Variants in SCAPER observed in about 807,000 individuals in gnomAD.
SCAPER encodes S-phase cyclin A associated protein in the ER, also known as S phase cyclin A-associated protein in the endoplasmic reticulum.
Under a neutral mutation model 182.2 loss-of-function variants are expected in SCAPER, and 98 were observed. The observed-to-expected ratio is 0.54, with a 90% CI of 0.46 to 0.64. SCAPER has a LOEUF of 0.64. Among genes scored for constraint, SCAPER ranks in the 30% least tolerant of loss-of-function variants. The pLI, the probability that SCAPER is intolerant of heterozygous loss-of-function variation, is 0.00. For synonymous variants in SCAPER, 605 were observed against 564.6 expected, an observed-to-expected ratio of 1.07 and a Z score of -1.01; for missense variants, 1,432 against 1,690.0, an observed-to-expected ratio of 0.85 and a Z score of 2.68.
intron 21 of SCAPER, among the ~76,000 whole-genome samples, chr15:76,646,562 T>C (rs1170796287): frequency 6.6e-6 from 1 of 152,232 alleles, no homozygotes; most frequent in Non-Finnish European, 1.5e-5. Context: ...TTCATCCTTC[T>C]GTACAAAAAC....
chr15:76,352,174 C>T (rs2040600518), intron 30 of SCAPER, among the ~76,000 whole-genome samples: 1 of 152,204 alleles, frequency 6.6e-6, no homozygotes. Flanking sequence ...AAAACCTGCA[C>T]ATCATCTCCC....
At chr15:76,471,066 A>T in intron 25 of SCAPER, 146 bp downstream of exon 25, 1 of 758,304 alleles carries the variant, frequency 1.3e-6, no homozygotes, top group Non-Finnish European at 1.9e-6. Flanking sequence ...CTCTATTCTC[A>T]CAGTCATCTT....
chr15:76,359,359 C>T (rs139785000), intron 29 of SCAPER, among the ~76,000 whole-genome samples: 1,816 of 152,318 alleles, frequency 0.012, 23 homozygotes, highest in Middle Eastern at 0.041. Flanking sequence ...CCTGCCTGCA[C>T]GAGAGAGCTG....
chr15:76,508,879 T>C (rs755837488), intron 23 of SCAPER, among the ~76,000 whole-genome samples: 2 of 152,144 alleles, frequency 1.3e-5, no homozygotes, highest in African/African-American at 4.8e-5. Flanking sequence ...CATAGTACCA[T>C]AAGTTAGGGT....
At chr15:76,604,610 C>T (rs1178454144) in intron 22 of SCAPER, among the ~76,000 whole-genome samples, 11 of 149,208 alleles carry the variant, frequency 7.4e-5, no homozygotes, top group Non-Finnish European at 1.0e-4. Flanking sequence ...TATAAATTAC[C>T]TTGGGCAGTA....
intron 27 of SCAPER, among the ~76,000 whole-genome samples, chr15:76,383,105 T>C (rs75925398): frequency 2.0e-4 from 30 of 150,034 alleles, no homozygotes; most frequent in Middle Eastern, 3.4e-3. Flanking sequence ...TGTGTGTAAA[T>C]ACACACACAC....
At chr15:76,389,267 G>T (rs2043493295) in intron 27 of SCAPER, among the ~76,000 whole-genome samples, 1 of 151,876 alleles carries the variant, frequency 6.6e-6, no homozygotes, top group Non-Finnish European at 1.5e-5. Context: ...TTGGGAGGCT[G>T]AGGTGGGCGG....
chr15:76,690,951 A>T (rs1177805955), intron 20 of SCAPER, among the ~76,000 whole-genome samples: 1 of 152,132 alleles, frequency 6.6e-6, no homozygotes, highest in Non-Finnish European at 1.5e-5. Context: ...ATCTTTGAAG[A>T]GGTATTTCCA....
At chr15:76,585,230 C>T (rs2048553924) in intron 22 of SCAPER, among the ~76,000 whole-genome samples, 1 of 151,962 alleles carries the variant, frequency 6.6e-6, no homozygotes, top group South Asian at 2.1e-4. Context: ...ATAATCCTGA[C>T]ACCACACACT....
chr15:76,751,914 A>G (rs977690802), intron 15 of SCAPER, among the ~76,000 whole-genome samples: 16 of 151,830 alleles, frequency 1.1e-4, no homozygotes, highest in Admixed American at 9.8e-4. Context: ...TTGCATGTCA[A>G]AAGATGCTAC....
chr15:76,899,972 G>A (rs1299078194), intron 1 of SCAPER, among the ~76,000 whole-genome samples: 3 of 152,198 alleles, frequency 2.0e-5, no homozygotes, highest in Non-Finnish European at 4.4e-5. Flanking sequence ...AGACATAGGA[G>A]ACTCCATTTT....
intron 24 of SCAPER, among the ~76,000 whole-genome samples, chr15:76,500,895 G>C (rs548505866): frequency 6.6e-6 from 1 of 151,704 alleles, no homozygotes; most frequent in South Asian, 2.1e-4. Flanking sequence ...CAAAAAAAAA[G>C]AGCCAGGCAT....
chr15:76,649,367 C>T (rs2054822320), intron 21 of SCAPER, among the ~76,000 whole-genome samples: 1 of 151,866 alleles, frequency 6.6e-6, no homozygotes, highest in African/African-American at 2.4e-5. Context: ...GAAGTTGAGG[C>T]TACAATGAGC....
chr15:76,411,231 T>C (rs1361400301), intron 26 of SCAPER, among the ~76,000 whole-genome samples: 1 of 152,182 alleles, frequency 6.6e-6, no homozygotes, highest in Non-Finnish European at 1.5e-5. Flanking sequence ...CCTTTCTTTA[T>C]ATTGTTGATT....
At chr15:76,698,183 G>C (rs565559900) in intron 20 of SCAPER, among the ~76,000 whole-genome samples, 1 of 151,908 alleles carries the variant, frequency 6.6e-6, no homozygotes, top group South Asian at 2.1e-4. Context: ...AGGCAAACTA[G>C]ATTATTAGTT....
At position 76,775,107 on chromosome 15, in the gene SCAPER, A is replaced by T; in HGVS notation, c.783T>A (p.Asp261Glu). Residue 261 changes from aspartate (D) to glutamate (E), a missense_variant, in exon 9 of 32, where the codon GAT becomes GAA. Physicochemically the swap from Asp to Glu is conservative, Grantham distance 45. Transcript: ENST00000563290. Reference sequence around the variant, plus strand: ...TCTGAACGGTCTCCCATCCTTCAGCATCTTTCCGTTCTATGCAATTAAAGT... The same window carrying T: ...TCTGAACGGTCTCCCATCCTTCAGCTTCTTTCCGTTCTATGCAATTAAAGT... ...QKASRKNERK[D>E]AEGWETVQRG... The T allele has an allele frequency of 6.2e-7, 1 of 1,612,212 alleles. No individual in the cohort carries two copies.
chr15:76,681,492 A>G (rs1447609659), intron 20 of SCAPER, among the ~76,000 whole-genome samples: 1 of 152,210 alleles, frequency 6.6e-6, no homozygotes, highest in Admixed American at 6.5e-5. Context: ...AGGAACATCT[A>G]TCACCCAGTG....
chr15:76,859,545 T>C, intron 3 of SCAPER, among the ~76,000 whole-genome samples: 1 of 152,328 alleles, frequency 6.6e-6, no homozygotes, highest in Admixed American at 6.5e-5. Flanking sequence ...TATATTGTAG[T>C]CATAAAACAA....
chr15:76,642,229 TTTTC>T (rs1422129442), intron 21 of SCAPER, among the ~76,000 whole-genome samples: 4 of 152,296 alleles, frequency 2.6e-5, no homozygotes, highest in South Asian at 4.1e-4. Context: ...ATTATCCACG[TTTTC>T]TTTATCTTCT....
Sources: gnomAD v4.1 joint callset for allele counts (sites outside exome capture counted in the v4.1 genomes callset) on GRCh38, gnomAD v4.1.1 for gene constraint, MANE v1.5 for transcripts, NCBI Gene and HGNC (gene_info 2026-07-23, HGNC 2026-07-21) for gene names.